The following PARP1 variants were observed in gnomAD, a reference collection of about 807,000 sequenced individuals.
PARP1 encodes poly [ADP-ribose] polymerase 1.
In PARP1, 44 loss-of-function variants were observed where a neutral mutation model predicts 118.7. The ratio of observed to expected loss-of-function variants is 0.37; its 90% confidence interval spans 0.29 to 0.48. PARP1 has a LOEUF of 0.48. Among genes scored for constraint, PARP1 ranks in the 20% least tolerant of loss-of-function variants. The pLI, the probability that PARP1 is intolerant of heterozygous loss-of-function variation, is 0.99. For missense variants in PARP1, 1,100 were observed against 1,272.4 expected (o/e 0.86, Z 2.06); for synonymous variants, 492 against 483.2 (o/e 1.02, Z -0.24).
In PARP1 at chr1:226,377,233, A is replaced by C. The variant is rs1277795014; in HGVS notation, c.1816T>G (p.Ser606Ala). 3.1e-6 allele frequency: 5 copies of C among 1,613,778 alleles called. No homozygotes were observed. The highest frequency in any genetic ancestry group is 4.2e-6 in the Non-Finnish European group (5 of 1,179,956). Reference sequence around the variant, plus strand: ...AAGTGCTCAATGGCATCCTCCTTGGACGGCATCTGTTCCAGTTTGTTGCTA... The same window carrying C: ...AAGTGCTCAATGGCATCCTCCTTGGCCGGCATCTGTTCCAGTTTGTTGCTA... ...IGSNKLEQMP[S>A]KEDAIEHFMK... The change falls in exon 13 of 23, where the codon TCC becomes GCC. Residue 606 changes from serine (S) to alanine (A), a missense_variant. Transcript: ENST00000366794.
At chr1:226,392,807 G>C in intron 2 of PARP1, 1 of 815,168 alleles carries the variant, frequency 1.2e-6, no homozygotes, top group Non-Finnish European at 1.9e-6. Flanking sequence ...AGTGGGAAAA[G>C]GTTGAATTAT....
At chr1:226,406,269 A>AT (rs1665145338) in intron 1 of PARP1, among the ~76,000 whole-genome samples, 1 of 152,130 alleles carries the variant, frequency 6.6e-6, no homozygotes, top group Non-Finnish European at 1.5e-5. Context: ...GGAGATGGAG[A>AT]TATCAATTTT....
chr1:226,402,448 A>T, intron 1 of PARP1, 69 bp from the exon 2 acceptor site: 1 of 1,476,956 alleles, frequency 6.8e-7, no homozygotes, highest in Non-Finnish European at 9.2e-7. Context: ...CTAGACCTTG[A>T]CCTTGACCTC....
chr1:226,363,809 A>G lies in PARP1; in HGVS notation c.2786+134T>C, dbSNP rs1664200103. 1.5e-5 allele frequency: 14 copies of G among 931,362 alleles called. No homozygotes were observed. In the South Asian group the frequency reaches 1.6e-4, roughly 11 times the overall value. 57.7% of individuals were successfully genotyped at this position (931,362 alleles called of 1,614,324 possible). On this transcript the variant is annotated intron_variant, in intron 20 of 22. Coordinates refer to ENST00000366794, the MANE Select transcript of PARP1 (RefSeq NM_001618.4). ...TGAATTGGATTCTGCTACTTATAAG[A>G]AAAGAATCCTAATTGGTGCGTCCAG...
Position 226,367,498 on chromosome 1 carries a change from C to A in PARP1, c.2388G>T (p.Lys796Asn). Residue 796 changes from lysine to asparagine, a missense_variant, in exon 17 of 23, where the codon AAG becomes AAT. By Grantham distance (94) the Lys-to-Asn change is moderately conservative. Coordinates refer to ENST00000366794, the MANE Select transcript of PARP1 (RefSeq NM_001618.4). ...CTGTTACCTTAATGTCAGTTTTGAGCTTCTCATAGTTGACATCGATGGGAT... is the reference window on the plus strand; with the variant it reads ...CTGTTACCTTAATGTCAGTTTTGAGATTCTCATAGTTGACATCGATGGGAT... ...SKDPIDVNYE[K>N]LKTDIKVVDR... 1.2e-6 allele frequency: 2 copies of A among 1,614,108 alleles called. No individual in the cohort carries two copies. The highest frequency in any genetic ancestry group is 1.7e-6 in the Non-Finnish European group (2 of 1,180,024).
chr1:226,361,056 C>A lies in PARP1; in HGVS notation c.*404G>T. 4.0e-6 allele frequency: 1 copy of A among 249,250 alleles called. No individual in the cohort carries two copies. Among genetic ancestry groups the A allele is most frequent in the East Asian group, 6.2e-5 (1 of 16,132 alleles). 15.4% of individuals were successfully genotyped at this position (249,250 alleles called of 1,614,324 possible). A position where few individuals can be genotyped will look rare whatever the true frequency, so the allele number is the denominator to read the frequency against. ...TAAAAATAAATGCTTAACATCTTTC[C>A]AAAATCAAAACTAAAGACGAACACT... On this transcript the variant is annotated 3_prime_UTR_variant, in exon 23 of 23. Coordinates refer to ENST00000366794, the MANE Select transcript of PARP1 (RefSeq NM_001618.4).
chr1:226,390,765 T>C, intron 3 of PARP1, 141 bp from the exon 4 acceptor site: 1 of 753,992 alleles, frequency 1.3e-6, no homozygotes, highest in Admixed American at 2.0e-5. Context: ...TCATGAGCTT[T>C]TGAGAGGTTT....
intron 17 of PARP1, 114 bp from the exon 18 acceptor site, chr1:226,366,166 G>T (rs1009869845): frequency 2.7e-6 from 2 of 751,418 alleles, no homozygotes; most frequent in South Asian, 1.5e-5. Flanking sequence ...AAAGGAAGCC[G>T]GGCATGACCG....
chr1:226,405,602 G>C (rs905817457), intron 1 of PARP1, among the ~76,000 whole-genome samples: 2 of 151,928 alleles, frequency 1.3e-5, no homozygotes, highest in African/African-American at 4.8e-5. Context: ...CACCAAGCCC[G>C]GCCCCAGAAT....
intron 22 of PARP1, chr1:226,361,757 G>T: frequency 1.5e-6 from 1 of 664,518 alleles, no homozygotes; most frequent in African/African-American, 1.8e-5. Flanking sequence ...ACTGAGGAGA[G>T]GAGATCATCC....
Position 226,368,271 on chromosome 1 carries a change from G to T in PARP1, c.2205C>A (p.Arg735=). ...SDSQILDLSN[R]FYTLIPHDFG... ...AGTCGTGGGGGATCAGGGTGTAAAA[G>T]CGATTTGAGAGATCCAGGATCTGAG... is the stretch of plus-strand genomic sequence containing the variant. The change falls in exon 16 of 23, where the codon CGC becomes CGA. Residue 735 remains arginine (R), a synonymous_variant. Coordinates refer to ENST00000366794, the MANE Select transcript of PARP1 (RefSeq NM_001618.4). The T allele has an allele frequency of 6.2e-7, 1 of 1,614,240 alleles. No individual in the cohort carries two copies. Among genetic ancestry groups the T allele is most frequent in the Non-Finnish European group, 8.5e-7 (1 of 1,180,038 alleles).
At position 226,402,203 on chromosome 1, in the gene PARP1, T is replaced by G; in HGVS notation, c.286+11A>C. 1 of 1,614,164 alleles carries G rather than the reference T, an allele frequency of 6.2e-7. No homozygotes were observed. Among genetic ancestry groups the G allele is most frequent in the Non-Finnish European group, 8.5e-7 (1 of 1,180,030 alleles). ...GGGCTGAATGCCCATGCTGCCCCAG[T>G]ATGTACACACCTGTCACTCCTCCAG... On this transcript the variant is annotated intron_variant, in intron 2 of 22. Coordinates refer to ENST00000366794, the MANE Select transcript of PARP1 (RefSeq NM_001618.4).
rs370063774 is a variant in PARP1 at position 226,361,524 on chromosome 1, A to G, written c.2981T>C (p.Ile994Thr). 5 of 1,611,294 alleles carry G rather than the reference A, an allele frequency of 3.1e-6. No individual in the cohort carries two copies. In the African/African-American group the frequency reaches 4.0e-5, roughly 13 times the overall value. ...CAGATACTTCAGATTTACCTGAGCA[A>G]TATCATAGACAATGTACCTGAGGGG... Reference protein sequence around the residue: ...LLYNEYIVYDIAQVNLKYLLK... With the variant: ...LLYNEYIVYDTAQVNLKYLLK... Residue 994 changes from isoleucine to threonine, a missense_variant, in exon 23 of 23, where the codon ATT becomes ACT. Around this residue, in one of 2 missense-constraint regions of PARP1, gnomAD observed 152 missense variants for 240.6 expected, o/e 0.63. Coordinates refer to ENST00000366794, the MANE Select transcript of PARP1 (RefSeq NM_001618.4).
In PARP1 at chr1:226,361,125, C is replaced by A; in HGVS notation, c.*335G>T. 2.7e-6 allele frequency: 1 copy of A among 371,016 alleles called. No homozygotes were observed. The highest frequency in any genetic ancestry group is 4.9e-6 in the Non-Finnish European group (1 of 202,050). 23.0% of individuals were successfully genotyped at this position (371,016 alleles called of 1,614,324 possible). ...TGTATTTTTCCTTCCCTGGGGAAAC[C>A]AGTAAGGCAGACATTCTAACGAAGC... On this transcript the variant is annotated 3_prime_UTR_variant, in exon 23 of 23. Transcript: ENST00000366794.
chr1:226,362,304 G>A (rs1664161351), intron 21 of PARP1: 1 of 507,128 alleles, frequency 2.0e-6, no homozygotes, highest in South Asian at 2.1e-5. Flanking sequence ...TCGTGCCTCA[G>A]CCTCCTGAGT....
At position 226,364,072 on chromosome 1, in the gene PARP1, T is replaced by C; in HGVS notation, c.2659-2A>G. Reference sequence around the variant, plus strand: ...CCCTTTACCAAACATGTAGCCTGTCTGGAAGGTCGGAAAAGGGAGAGCTGA... The same window carrying C: ...CCCTTTACCAAACATGTAGCCTGTCCGGAAGGTCGGAAAAGGGAGAGCTGA... On this transcript the variant is annotated splice_acceptor_variant, in intron 19 of 22. Coordinates refer to ENST00000366794, the MANE Select transcript of PARP1 (RefSeq NM_001618.4). LOFTEE classifies it high-confidence loss of function. 6.2e-7 allele frequency: 1 copy of C among 1,613,940 alleles called. No individual in the cohort carries two copies. The highest frequency in any genetic ancestry group is 8.5e-7 in the Non-Finnish European group (1 of 1,179,832).
At chr1:226,368,557 C>T (rs1325679322) in intron 15 of PARP1, among the ~76,000 whole-genome samples, 1 of 152,172 alleles carries the variant, frequency 6.6e-6, no homozygotes, top group Non-Finnish European at 1.5e-5. Context: ...CATGAAGTTT[C>T]ATTTGTACAA....
chr1:226,392,140 C>T (rs1664832376), intron 3 of PARP1, 59 bp downstream of exon 3: 2 of 1,111,338 alleles, frequency 1.8e-6, no homozygotes, highest in Admixed American at 3.4e-5. Context: ...TTGAGATAGC[C>T]AATAACATCA....
At chr1:226,404,435 A>G (rs1181032667) in intron 1 of PARP1, among the ~76,000 whole-genome samples, 1 of 152,140 alleles carries the variant, frequency 6.6e-6, no homozygotes, top group Non-Finnish European at 1.5e-5. Context: ...CTTCCTGTGC[A>G]ATGTTCCAGT....
Sources: allele counts gnomAD v4.1 joint callset (sites outside exome capture counted in the v4.1 genomes callset), GRCh38; gene constraint gnomAD v4.1.1; regional missense constraint gnomAD v4.1.1; transcripts MANE v1.5; gene names NCBI Gene and HGNC (gene_info 2026-07-23, HGNC 2026-07-21).